CNGA4: variants seen among roughly 807,000 people sequenced by gnomAD.
The protein encoded by CNGA4 is cyclic nucleotide-gated channel alpha-4.
CNGA4 carries 32 observed loss-of-function variants against 45.6 expected under a neutral mutation model. That is an observed-to-expected ratio of 0.70 (90% CI 0.53 to 0.94). CNGA4 has a LOEUF of 0.94. CNGA4 is among the 40% of genes least tolerant of loss of function. CNGA4 has a pLI of 0.00. For synonymous variants in CNGA4, 293 were observed against 304.6 expected, an observed-to-expected ratio of 0.96 and a Z score of 0.40; for missense variants, 726 against 755.1, an observed-to-expected ratio of 0.96 and a Z score of 0.45.
Position 6,240,369 on chromosome 11 carries a change from G to T in CNGA4, c.575G>T (p.Arg192Leu), listed in dbSNP as rs756427921. The T allele has an allele frequency of 2.5e-6, 4 of 1,614,086 alleles. No homozygotes were observed. The highest frequency in any genetic ancestry group is 3.4e-6 in the Non-Finnish European group (4 of 1,180,046). ...AGCTGCCTATACTTTGCCCTATCCC[G>T]GTACCTGGGCTTCGGGCGTGACGCA... Reference protein sequence around the residue: ...WNSCLYFALSRYLGFGRDAWV... With the variant: ...WNSCLYFALSLYLGFGRDAWV... The change falls in exon 4 of 6, where the codon CGG (arginine) becomes CTG (leucine). Residue 192 changes from arginine (R) to leucine (L), a missense_variant. Physicochemically the swap from Arg to Leu is moderately radical, Grantham distance 102. Transcript: ENST00000379936. This position sits in a 1 kb window ranked among gnomAD's most constrained non-coding sequence, Gnocchi z 4.9.
upstream of CNGA4, among the ~76,000 whole-genome samples, chr11:6,238,068 C>T (rs1214477364): frequency 2.0e-5 from 3 of 152,346 alleles, no homozygotes; most frequent in African/African-American, 7.2e-5. Flanking sequence ...CTTCACCCTC[C>T]CATCTCTGTA....
upstream of CNGA4, chr11:6,238,995 GAC>G: frequency 7.2e-7 from 1 of 1,397,070 alleles, no homozygotes; most frequent in Non-Finnish European, 9.3e-7. Context: ...GGCCCTGGGA[GAC>G]AGGGCAGAGT....
At chr11:6,242,784 T>G (rs767279172) in intron 5 of CNGA4, among the ~76,000 whole-genome samples, 7 of 152,162 alleles carry the variant, frequency 4.6e-5, no homozygotes, top group African/African-American at 1.2e-4. Context: ...ACAGCAAGTG[T>G]TCAACAAATA....
Position 6,240,098 on chromosome 11 carries a change from A to G in CNGA4, c.304A>G (p.Lys102Glu). The G allele has an allele frequency of 6.2e-7, 1 of 1,612,638 alleles. No individual in the cohort carries two copies. The highest frequency in any genetic ancestry group is 8.5e-7 in the Non-Finnish European group (1 of 1,179,244). ...GGAACAGGGCATCCTGGTGGTGGAC[A>G]AGGGTAGGATCTCGAGTCGCTACGT... is the stretch of plus-strand genomic sequence containing the variant. ...FLEQGILVVD[K>E]GRISSRYVRT... The change falls in exon 4 of 6, where the codon AAG (lysine) becomes GAG (glutamate). Residue 102 changes from lysine (K) to glutamate (E), a missense_variant. Transcript: ENST00000379936. This position sits in a 1 kb window ranked among gnomAD's most constrained non-coding sequence, Gnocchi z 4.9.
chr11:6,235,803 G>A (rs920090425), upstream of CNGA4, among the ~76,000 whole-genome samples: 2 of 152,076 alleles, frequency 1.3e-5, no homozygotes, highest in South Asian at 4.1e-4. Context: ...ACTGGGCGTA[G>A]TGGCGCGCGC....
upstream of CNGA4, among the ~76,000 whole-genome samples, chr11:6,238,209 C>G (rs377202332): frequency 6.6e-6 from 1 of 152,198 alleles, no homozygotes; most frequent in Non-Finnish European, 1.5e-5. Context: ...TGTTTAGTTA[C>G]CTCATGTGTA....
In CNGA4 at chr11:6,240,155, TC is replaced by T; in HGVS notation, c.364del (p.Leu122Ter). 6.2e-7 allele frequency: 1 copy of T among 1,614,152 alleles called. No individual in the cohort carries two copies. Among genetic ancestry groups the T allele is most frequent in the Non-Finnish European group, 8.5e-7 (1 of 1,180,036 alleles). On this transcript the variant is annotated frameshift_variant, in exon 4 of 6. Coordinates refer to ENST00000379936, the MANE Select transcript of CNGA4 (RefSeq NM_001037329.4). LOFTEE classifies it high-confidence loss of function. The surrounding 1 kb of genome is among the most constrained non-coding windows in gnomAD (Gnocchi z 4.9). ...CTGGAGTTTCTTCTTGGACCTGGCT[TC>T]CCTGATGCCCACAGATGTGGTCTAC... ...RTWSFFLDLA[S>X]LMPTDVVYVR... is the part of the protein sequence containing the mutation.
upstream of CNGA4, among the ~76,000 whole-genome samples, chr11:6,237,078 G>A (rs573976223): frequency 1.7e-4 from 26 of 152,266 alleles, no homozygotes; most frequent in African/African-American, 6.0e-4. Flanking sequence ...GTTCCAAGAG[G>A]GAACATTCTG....
At position 6,241,597 on chromosome 11, in the gene CNGA4, CTGAAGCTG is replaced by C. The variant is rs753941006; in HGVS notation, c.1085_1092del (p.Leu362ProfsTer9). The C allele has an allele frequency of 4.0e-5, 64 of 1,614,076 alleles. No individual in the cohort carries two copies. Among genetic ancestry groups the C allele is most frequent in the Middle Eastern group, 3.3e-4 (2 of 6,084 alleles). On this transcript the variant is annotated frameshift_variant, in exon 5 of 6. Transcript: ENST00000379936. LOFTEE classifies it high-confidence loss of function. ...GGCCAGCCTGCTGGAGGAGCTGGTGCTGAAGCTGCAGCCCCAGACCTACTCACCAGGTG... is the reference window on the plus strand; with the variant it reads ...GGCCAGCCTGCTGGAGGAGCTGGTGCCAGCCCCAGACCTACTCACCAGGTG...
upstream of CNGA4, among the ~76,000 whole-genome samples, chr11:6,235,880 A>T (rs1283130974): frequency 6.6e-6 from 1 of 151,884 alleles, no homozygotes; most frequent in Non-Finnish European, 1.5e-5. Flanking sequence ...CGGAGGTTGC[A>T]GTTAGCCGAG....
At position 6,239,413 on chromosome 11, in the gene CNGA4, G is replaced by A. The variant is rs374760938; in HGVS notation, c.92G>A (p.Gly31Glu). 9 of 1,614,064 alleles carry A rather than the reference G, an allele frequency of 5.6e-6. No homozygotes were observed. The highest frequency in any genetic ancestry group is 1.3e-5 in the African/African-American group (1 of 74,906). ...RKLLPVLDPS[G>E]DYYYWWLNTM... ...TTGCTGCCTGTCCTGGACCCATCTG[G>A]GGATTACTACTACTGGTGGCTGAAC... is the stretch of plus-strand genomic sequence containing the variant. The change falls in exon 2 of 6, where the codon GGG becomes GAG. Residue 31 changes from glycine (G) to glutamate (E), a missense_variant. By Grantham distance (98) the Gly-to-Glu change is moderately conservative. Coordinates refer to ENST00000379936, the MANE Select transcript of CNGA4 (RefSeq NM_001037329.4).
Position 6,240,495 on chromosome 11 carries a change from A to G in CNGA4, c.701A>G (p.Asp234Gly), listed in dbSNP as rs757820973. The G allele has an allele frequency of 1.1e-5, 17 of 1,614,080 alleles. No homozygotes were observed. The highest frequency in any genetic ancestry group is 1.4e-5 in the Non-Finnish European group (17 of 1,180,022). Residue 234 changes from aspartate (D) to glycine (G), a missense_variant, in exon 4 of 6, where the codon GAT becomes GGT. Coordinates refer to ENST00000379936, the MANE Select transcript of CNGA4 (RefSeq NM_001037329.4). This position sits in a 1 kb window ranked among gnomAD's most constrained non-coding sequence, Gnocchi z 4.9. ...FSTLILTTVG[D>G]TPPPAREEEY... Reference sequence around the variant, plus strand: ...ACGCTGATACTGACTACAGTGGGCGATACACCGCCGCCAGCCAGGGAAGAA... The same window carrying G: ...ACGCTGATACTGACTACAGTGGGCGGTACACCGCCGCCAGCCAGGGAAGAA...
chr11:6,241,921 G>A, intron 5 of CNGA4, 141 bp downstream of exon 5: 1 of 705,188 alleles, frequency 1.4e-6, no homozygotes, highest in Non-Finnish European at 2.4e-6. Flanking sequence ...TCACTAGATG[G>A]CTCAGGAGAA....
In CNGA4 at chr11:6,240,925, A is replaced by AGAG. The variant is rs1425426397; in HGVS notation, c.917+218_917+220dup. On this transcript the variant is annotated intron_variant, in intron 4 of 5. Transcript: ENST00000379936. The surrounding 1 kb of genome is among the most constrained non-coding windows in gnomAD (Gnocchi z 4.9). Reference sequence around the variant, plus strand: ...AGGGGTAGGTAAGAGACTGATAGGGAGAGGAGCTCATACTCAAAAAAGGAT... The same window carrying AGAG: ...AGGGGTAGGTAAGAGACTGATAGGGAGAGGAGGAGCTCATACTCAAAAAAGGAT... Among the ~76,000 whole-genome samples, 1 of 152,146 alleles carries AGAG rather than the reference A, an allele frequency of 6.6e-6. No individual in the cohort carries two copies. Among genetic ancestry groups the AGAG allele is most frequent in the East Asian group, 1.9e-4 (1 of 5,192 alleles).
intron 5 of CNGA4, 63 bp from the exon 6 acceptor site, chr11:6,243,886 A>G: frequency 6.8e-7 from 1 of 1,465,642 alleles, no homozygotes; most frequent in Non-Finnish European, 9.3e-7. Flanking sequence ...CTGGTTCAGG[A>G]GTGAAATGCC....
rs748585063 is a variant in CNGA4 at position 6,240,361 on chromosome 11, C to T, written c.567C>T (p.Ala189=). ...ATTGGAACAGCTGCCTATACTTTGC[C>T]CTATCCCGGTACCTGGGCTTCGGGC... ...VIHWNSCLYF[A]LSRYLGFGRD... The change falls in exon 4 of 6, where the codon GCC becomes GCT. Residue 189 remains alanine, a synonymous_variant. Transcript: ENST00000379936. The surrounding 1 kb of genome is among the most constrained non-coding windows in gnomAD (Gnocchi z 4.9). The T allele has an allele frequency of 6.2e-7, 1 of 1,614,224 alleles. No individual in the cohort carries two copies. Among genetic ancestry groups the T allele is most frequent in the Non-Finnish European group, 8.5e-7 (1 of 1,180,038 alleles).
upstream of CNGA4, chr11:6,235,444 A>G: frequency 2.0e-6 from 2 of 976,678 alleles, no homozygotes; most frequent in South Asian, 4.7e-5. Flanking sequence ...GCGTAGTGTA[A>G]TAAGTACATT....
intron 5 of CNGA4, among the ~76,000 whole-genome samples, chr11:6,243,104 C>T (rs755003106): frequency 2.1e-4 from 32 of 152,202 alleles, no homozygotes; most frequent in Non-Finnish European, 3.8e-4. Flanking sequence ...TACCCCCTTC[C>T]CTCTGTTCCT....
chr11:6,238,884 G>A (rs1299649610), upstream of CNGA4, among the ~76,000 whole-genome samples: 2 of 152,168 alleles, frequency 1.3e-5, no homozygotes, highest in African/African-American at 2.4e-5. Context: ...AAGAGGGGAG[G>A]AGGAAAACAG....
Sources: gnomAD v4.1 joint callset for allele counts (sites outside exome capture counted in the v4.1 genomes callset) on GRCh38, gnomAD v4.1.1 for gene constraint, Gnocchi (gnomAD v3.1) non-coding constraint, MANE v1.5 for transcripts, NCBI Gene and HGNC (gene_info 2026-07-23, HGNC 2026-07-21) for gene names.